Variants in ANK2 observed in about 807,000 individuals in gnomAD.
ANK2 encodes the protein ankyrin-2.
ANK2 carries 83 observed loss-of-function variants against 360.5 expected under a neutral mutation model. The observed-to-expected ratio is 0.23, with a 90% CI of 0.19 to 0.28. The LOEUF is 0.28. Among genes scored for constraint, ANK2 ranks in the 10% least tolerant of loss-of-function variants. ANK2 has a pLI of 1.00. For missense variants in ANK2, 4,201 were observed against 4,795.7 expected, an observed-to-expected ratio of 0.88 and a Z score of 3.66; for synonymous variants, 1,740 against 1,759.5, an observed-to-expected ratio of 0.99 and a Z score of 0.28.
the ANK2 span, among the ~76,000 whole-genome samples, chr4:112,802,710 A>G: frequency 2.0e-5 from 3 of 152,194 alleles, no homozygotes; most frequent in African/African-American, 7.2e-5. Context: ...AAAATACTTG[A>G]AGTGACAGGC....
the ANK2 span, among the ~76,000 whole-genome samples, chr4:112,786,746 CTTTTT>C: frequency 9.2e-6 from 1 of 108,910 alleles, no homozygotes. Flanking sequence ...TAAAATCAAA[CTTTTT>C]TTTTTTTTTT....
Position 113,293,541 on chromosome 4 carries a change from G to A in ANK2, c.2475+3G>A. 1.2e-6 allele frequency: 2 copies of A among 1,608,778 alleles called. No homozygotes were observed. Among genetic ancestry groups the A allele is most frequent in the Non-Finnish European group, 1.7e-6 (2 of 1,176,314 alleles). On this transcript the variant is annotated splice_donor_region_variant and intron_variant, in intron 22 of 45. Transcript: ENST00000357077. ...AGGAGGTCACCACCACCACCACAGT[G>A]AGTATGAGTGACTGACTAGCTTCAG...
At chr4:112,827,086 GA>G in intron 1 of ANK2, 1 of 1,126,788 alleles carries the variant, frequency 8.9e-7, no homozygotes, top group Non-Finnish European at 1.4e-6. Context: ...TGCAACACAG[GA>G]AAAATTATGA....
At chr4:112,718,280 A>C in the ANK2 span, among the ~76,000 whole-genome samples, 1 of 152,186 alleles carries the variant, frequency 6.6e-6, no homozygotes, top group East Asian at 1.9e-4. Flanking sequence ...TTAGTTAAGT[A>C]TTTAGTAAGT....
chr4:112,896,094 A>T (rs1560995837), intron 1 of ANK2, among the ~76,000 whole-genome samples: 1 of 152,228 alleles, frequency 6.6e-6, no homozygotes, highest in Non-Finnish European at 1.5e-5. Context: ...TCTGACAGAG[A>T]AAAAGGAGCT....
chr4:113,153,891 C>A (rs1478433056), intron 1 of ANK2, among the ~76,000 whole-genome samples: 1 of 152,108 alleles, frequency 6.6e-6, no homozygotes, highest in African/African-American at 2.4e-5. Context: ...TCTAAGTAAC[C>A]CTTAAGTGCA....
chr4:113,218,422 T>C (rs1222690087), intron 4 of ANK2, among the ~76,000 whole-genome samples: 2 of 150,728 alleles, frequency 1.3e-5, no homozygotes, highest in South Asian at 4.2e-4. Context: ...CAAAGTTAAT[T>C]GTCAGTTTAA....
At chr4:112,860,064 G>T (rs2067498352) in intron 1 of ANK2, among the ~76,000 whole-genome samples, 1 of 152,108 alleles carries the variant, frequency 6.6e-6, no homozygotes, top group African/African-American at 2.4e-5. Flanking sequence ...TCATACCATT[G>T]TGTCATTATT....
chr4:113,210,262 T>G (rs1357756658), intron 4 of ANK2, among the ~76,000 whole-genome samples: 1 of 152,206 alleles, frequency 6.6e-6, no homozygotes, highest in Non-Finnish European at 1.5e-5. Flanking sequence ...GGATAAAATA[T>G]TTTGGTTTCC....
chr4:112,901,356 T>C (rs1382954361), intron 1 of ANK2, among the ~76,000 whole-genome samples: 1 of 152,196 alleles, frequency 6.6e-6, no homozygotes, highest in Non-Finnish European at 1.5e-5. Context: ...ACTGTATCTA[T>C]TATTTAGTAT....
At chr4:113,251,420 T>A (rs375377400) in intron 10 of ANK2, among the ~76,000 whole-genome samples, 1 of 152,066 alleles carries the variant, frequency 6.6e-6, no homozygotes, top group East Asian at 1.9e-4. Context: ...TAGATACAAT[T>A]TGCCAGGCAA....
In ANK2 at chr4:113,353,764, G is replaced by C. The variant is rs763090080; in HGVS notation, c.5146G>C (p.Glu1716Gln). The part of the protein sequence containing the change: ...RKLKEKQKQK[E>Q]EGLQASAEKA... ...ATTAAAAGAAAAGCAGAAACAAAAA[G>C]AGGAAGGTTTACAAGCTAGTGCAGA... Residue 1716 changes from glutamate (E) to glutamine (Q), a missense_variant, in exon 38 of 46, where the codon GAG becomes CAG. Coordinates refer to ENST00000357077, the MANE Select transcript of ANK2 (RefSeq NM_001148.6). 6.2e-7 allele frequency: 1 copy of C among 1,613,864 alleles called. No individual in the cohort carries two copies. Among genetic ancestry groups the C allele is most frequent in the South Asian group, 1.1e-5 (1 of 91,044 alleles).
At position 113,358,915 on chromosome 4, in the gene ANK2, A is replaced by G. The variant is rs1465729912; in HGVS notation, c.10297A>G (p.Thr3433Ala). 9 of 1,613,834 alleles carry G rather than the reference A, an allele frequency of 5.6e-6. No individual in the cohort carries two copies. The South Asian group carries it at 7.7e-5, about 14-fold the overall frequency. The change falls in exon 38 of 46, where the codon ACA becomes GCA. Residue 3433 changes from threonine (T) to alanine (A), a missense_variant. Around this residue, in one of 4 missense-constraint regions of ANK2, gnomAD observed 2,642 missense variants for 2,714.5 expected, o/e 0.97. Coordinates refer to ENST00000357077, the MANE Select transcript of ANK2 (RefSeq NM_001148.6). ...ELELESEEGA[T>A]RPKILTSRLP... ...TGAGTTAGAATCAGAAGAAGGGGCCACAAGACCAAAGATACTTACATCCCG... is the reference window on the plus strand; with the variant it reads ...TGAGTTAGAATCAGAAGAAGGGGCCGCAAGACCAAAGATACTTACATCCCG...
At chr4:112,734,518 G>A in the ANK2 span, among the ~76,000 whole-genome samples, 1 of 152,200 alleles carries the variant, frequency 6.6e-6, no homozygotes, top group Non-Finnish European at 1.5e-5. Flanking sequence ...CCTGTTAGGG[G>A]TGTATAAAAT....
chr4:112,924,306 T>G (rs1261246253), intron 2 of ANK2, among the ~76,000 whole-genome samples: 1 of 149,464 alleles, frequency 6.7e-6, no homozygotes, highest in East Asian at 2.0e-4. Flanking sequence ...AGACGGAAGC[T>G]GCAGTGAGCT....
chr4:112,995,214 T>C (rs2048139551), intron 2 of ANK2, among the ~76,000 whole-genome samples: 1 of 152,244 alleles, frequency 6.6e-6, no homozygotes, highest in Non-Finnish European at 1.5e-5. Flanking sequence ...CTGCACTAAT[T>C]TACATTCCCA....
At position 113,367,522 on chromosome 4, in the gene ANK2, T is replaced by C. The variant is rs749564865; in HGVS notation, c.11033-44T>C. 9 of 1,579,206 alleles carry C rather than the reference T, an allele frequency of 5.7e-6. No individual in the cohort carries two copies. The East Asian group carries it at 1.3e-4, about 24-fold the overall frequency. On this transcript the variant is annotated intron_variant, in intron 41 of 45. Coordinates refer to ENST00000357077, the MANE Select transcript of ANK2 (RefSeq NM_001148.6). ...TATTACTTAATAAATATCCATTCAA[T>C]ATAGGTAAGCTTCAACTAAATACTT...
chr4:112,742,396 A>ATGTGTGTG, the ANK2 span, among the ~76,000 whole-genome samples: 10 of 149,660 alleles, frequency 6.7e-5, no homozygotes, highest in East Asian at 7.9e-4. Context: ...ACTGAATTCT[A>ATGTGTGTG]TGTGTGTGTG....
chr4:113,133,987 A>G (rs1220182915), intron 1 of ANK2, among the ~76,000 whole-genome samples: 8 of 151,150 alleles, frequency 5.3e-5, no homozygotes, highest in Non-Finnish European at 8.9e-5. Flanking sequence ...GGAGTCTCTG[A>G]AGAATTATGA....
Sources: allele counts gnomAD v4.1 joint callset (sites outside exome capture counted in the v4.1 genomes callset), GRCh38; gene constraint gnomAD v4.1.1; regional missense constraint gnomAD v4.1.1; transcripts MANE v1.5; gene names NCBI Gene and HGNC (gene_info 2026-07-23, HGNC 2026-07-21).